SLC25A48: variants seen among roughly 807,000 people sequenced by gnomAD.
SLC25A48 encodes solute carrier family 25 member 48, also known as CTC-321K16.1.
SLC25A48 carries 29 observed loss-of-function variants against 32.2 expected under a neutral mutation model. That is an observed-to-expected ratio of 0.90 (90% CI 0.67 to 1.23). The LOEUF (loss-of-function observed/expected upper bound fraction) is 1.23, where lower values mean the gene tolerates loss of function less well. Ranked by LOEUF, SLC25A48 falls within the 50% of genes most tolerant of loss-of-function variation. The pLI, the probability that SLC25A48 is intolerant of heterozygous loss-of-function variation, is 0.00. For missense variants in SLC25A48, 399 were observed against 422.7 expected (o/e 0.94, Z 0.49); for synonymous variants, 164 against 172.3 (o/e 0.95, Z 0.38).
chr5:135,597,990 T>C (rs1037157344), intron 1 of SLC25A48, among the ~76,000 whole-genome samples: 31 of 149,622 alleles, frequency 2.1e-4, no homozygotes, highest in African/African-American at 7.6e-4. Context: ...GGTGACAGAG[T>C]GAGACTCTGT....
In SLC25A48 at chr5:135,879,964, A is replaced by G; in HGVS notation, c.814-4A>G. 1 of 1,536,286 alleles carries G rather than the reference A, an allele frequency of 6.5e-7. No homozygotes were observed. The highest frequency in any genetic ancestry group is 8.7e-7 in the Non-Finnish European group (1 of 1,146,902). Reference sequence around the variant, plus strand: ...CCCTGCAATAACCTGGCCCCTGTGCAAAGGTGTTTTTCAGAGGCATCACTG... The same window carrying G: ...CCCTGCAATAACCTGGCCCCTGTGCGAAGGTGTTTTTCAGAGGCATCACTG... On this transcript the variant is annotated splice_region_variant and splice_polypyrimidine_tract_variant and intron_variant, in intron 6 of 7. Coordinates refer to ENST00000681962, the MANE Select transcript of SLC25A48 (RefSeq NM_001349336.2).
chr5:135,621,211 A>G (rs995387841), intron 1 of SLC25A48, among the ~76,000 whole-genome samples: 3 of 152,192 alleles, frequency 2.0e-5, no homozygotes, highest in African/African-American at 4.8e-5. Context: ...AAATTGCTAA[A>G]TATCTCTGGG....
chr5:135,728,838 A>AC (rs1755153689), intron 3 of SLC25A48, among the ~76,000 whole-genome samples: 2 of 136,966 alleles, frequency 1.5e-5, no homozygotes, highest in African/African-American at 6.0e-5. Context: ...ACACATACAC[A>AC]AATACACACA....
rs74953787 is a variant in SLC25A48, at chr5:135,700,698, C to G, written c.-521+65742C>G. On this transcript the variant is annotated intron_variant, in intron 3 of 10. Transcript: ENST00000646290. ...TTCTCAATGGTGCAGGCACCCTCCT[C>G]TCTTCATAGGCACCCTGTCTGAGGG... Among the ~76,000 whole-genome samples the G allele has an allele frequency of 1.9e-4, 29 of 152,344 alleles. No homozygotes were observed. The East Asian group carries it at 4.3e-3, about 22-fold the overall frequency.
At position 135,791,258 on chromosome 5, in the gene SLC25A48, G is replaced by A. The variant is rs181092862; in HGVS notation, c.-520-21265G>A. On this transcript the variant is annotated intron_variant, in intron 3 of 10. Coordinates refer to the SLC25A48 transcript ENST00000646290. ...AGGTGATATTATGTCTTATGTCACA[G>A]TTTGTGTACACTCTGTGATATTATT... 2.0e-5 allele frequency among the ~76,000 whole-genome samples: 3 copies of A among 151,884 alleles called. 1 individual carries two copies. The highest frequency in any genetic ancestry group is 4.4e-5 in the Non-Finnish European group (3 of 67,844).
chr5:135,863,727 G>A (rs1186136744), intron 4 of SLC25A48, among the ~76,000 whole-genome samples: 2 of 152,124 alleles, frequency 1.3e-5, no homozygotes, highest in African/African-American at 4.8e-5. Flanking sequence ...ACTATCCCTT[G>A]GGGAGGTGGG....
chr5:135,743,481 G>A (rs1007707515), intron 3 of SLC25A48, among the ~76,000 whole-genome samples: 3 of 152,070 alleles, frequency 2.0e-5, no homozygotes, highest in Non-Finnish European at 4.4e-5. Flanking sequence ...CCACAACAAA[G>A]AATAATCCTG....
At chr5:135,707,643 C>G (rs1432558858) in intron 3 of SLC25A48, among the ~76,000 whole-genome samples, 1 of 152,198 alleles carries the variant, frequency 6.6e-6, no homozygotes, top group East Asian at 1.9e-4. Flanking sequence ...TGCTCAGGTC[C>G]TTGCTCCAAC....
At chr5:135,743,306 A>G (rs1755553731) in intron 3 of SLC25A48, among the ~76,000 whole-genome samples, 1 of 151,244 alleles carries the variant, frequency 6.6e-6, no homozygotes, top group Non-Finnish European at 1.5e-5. Context: ...TCCCGACCTC[A>G]AGTGATCCAC....
At chr5:135,800,681 G>A (rs564302745) in intron 3 of SLC25A48, among the ~76,000 whole-genome samples, 1 of 152,070 alleles carries the variant, frequency 6.6e-6, no homozygotes, top group South Asian at 2.1e-4. Context: ...CACCTTGAGT[G>A]TACACCCCCC....
chr5:135,637,933 T>C (rs1017448807), intron 3 of SLC25A48, among the ~76,000 whole-genome samples: 1 of 152,228 alleles, frequency 6.6e-6, no homozygotes, highest in African/African-American at 2.4e-5. Flanking sequence ...AGAATGAGTA[T>C]GTTTTTCATC....
In SLC25A48 at chr5:135,581,589, C is replaced by T. The variant is rs185409896; in HGVS notation, c.-849+1992C>T. 7.9e-5 allele frequency among the ~76,000 whole-genome samples: 12 copies of T among 152,292 alleles called. No homozygotes were observed. In the East Asian group the frequency reaches 2.1e-3, roughly 27 times the overall value. The stretch of plus-strand genomic sequence containing the variant: ...TTGATTAACTGGGATCTAACAACAC[C>T]AGCGATCGTGGGCACTGAGTTTTCA... On this transcript the variant is annotated intron_variant, in intron 1 of 10. Coordinates refer to the SLC25A48 transcript ENST00000646290.
At chr5:135,651,864 A>G (rs193037232) in intron 3 of SLC25A48, among the ~76,000 whole-genome samples, 2 of 152,296 alleles carry the variant, frequency 1.3e-5, no homozygotes, top group Non-Finnish European at 2.9e-5. Context: ...AGGAACTTGG[A>G]AGGAGCAGGA....
At chr5:135,631,315 C>T (rs1343165458) in intron 2 of SLC25A48, among the ~76,000 whole-genome samples, 1 of 152,164 alleles carries the variant, frequency 6.6e-6, no homozygotes, top group Non-Finnish European at 1.5e-5. Flanking sequence ...GGTGGGATTC[C>T]TTTAATGGAC....
rs549715129 is a variant in SLC25A48 at position 135,737,942 on chromosome 5, C to T, written c.-520-74581C>T. Reference sequence around the variant, plus strand: ...CTCGGGCACCTTCTACAGGACCATCCGAGGAGCTCAGCAGAGCGACATCAT... The same window carrying T: ...CTCGGGCACCTTCTACAGGACCATCTGAGGAGCTCAGCAGAGCGACATCAT... On this transcript the variant is annotated intron_variant, in intron 3 of 10. Coordinates refer to the SLC25A48 transcript ENST00000646290. Among the ~76,000 whole-genome samples, 3 of 152,248 alleles carry T rather than the reference C, an allele frequency of 2.0e-5. No individual in the cohort carries two copies. In the East Asian group the frequency reaches 5.8e-4, roughly 29 times the overall value.
chr5:135,744,334 G>A (rs1755584298), intron 3 of SLC25A48, among the ~76,000 whole-genome samples: 1 of 150,302 alleles, frequency 6.7e-6, no homozygotes. Context: ...GGATTGACAA[G>A]GTAACTATTT....
At chr5:135,790,837 G>A (rs115198089) in intron 3 of SLC25A48, among the ~76,000 whole-genome samples, 2 of 151,874 alleles carry the variant, frequency 1.3e-5, no homozygotes, top group African/African-American at 2.4e-5. Flanking sequence ...GTCACAGTGG[G>A]TGTAGACTAT....
At chr5:135,632,084 A>T (rs999618248) in intron 2 of SLC25A48, among the ~76,000 whole-genome samples, 13 of 152,190 alleles carry the variant, frequency 8.5e-5, no homozygotes, top group African/African-American at 1.4e-4. Context: ...CAGTGTGACA[A>T]CACATGTGGC....
intron 3 of SLC25A48, among the ~76,000 whole-genome samples, chr5:135,680,806 A>G (rs550004853): frequency 1.1e-4 from 16 of 152,246 alleles, no homozygotes; most frequent in African/African-American, 3.4e-4. Context: ...TTGGGTGGGG[A>G]CACAGCCAAA....
Sources: allele counts gnomAD v4.1 joint callset (sites outside exome capture counted in the v4.1 genomes callset), GRCh38; gene constraint gnomAD v4.1.1; transcripts MANE v1.5; gene names NCBI Gene and HGNC (gene_info 2026-07-23, HGNC 2026-07-21).